Variants in FER observed in about 807,000 individuals in gnomAD.
The protein encoded by FER is FER tyrosine kinase, also known as tyrosine-protein kinase Fer.
Under a neutral mutation model 111.0 loss-of-function variants are expected in FER, and 63 were observed. The ratio of observed to expected loss-of-function variants is 0.57; its 90% CI spans 0.46 to 0.70. The LOEUF is 0.70. Among genes scored for constraint, FER ranks in the 30% least tolerant of loss-of-function variants. The probability of loss-of-function intolerance (pLI) is 0.00; values close to 1 mark genes in which losing one functional copy is unlikely to be tolerated. For missense variants in FER, 914 were observed against 954.0 expected, an observed-to-expected ratio of 0.96 and a Z score of 0.55; for synonymous variants, 327 against 313.9, an observed-to-expected ratio of 1.04 and a Z score of -0.44.
At chr5:108,947,968 C>T (rs1183311081) in intron 11 of FER, among the ~76,000 whole-genome samples, 1 of 151,832 alleles carries the variant, frequency 6.6e-6, no homozygotes, top group Non-Finnish European at 1.5e-5. Context: ...GTGATCCTCC[C>T]TCCTCGGCCC....
intron 16 of FER, among the ~76,000 whole-genome samples, chr5:109,075,941 A>G (rs1249252567): frequency 6.6e-6 from 1 of 152,192 alleles, no homozygotes; most frequent in Non-Finnish European, 1.5e-5. Context: ...AATAAAGTAT[A>G]TAAACACTAA....
intron 17 of FER, among the ~76,000 whole-genome samples, chr5:109,175,499 C>A (rs1467540815): frequency 1.3e-5 from 2 of 151,980 alleles, no homozygotes; most frequent in African/African-American, 4.8e-5. Context: ...AAAACTACTT[C>A]AGAAAACATA....
chr5:108,895,372 C>G (rs1748919879), intron 9 of FER, among the ~76,000 whole-genome samples: 1 of 152,128 alleles, frequency 6.6e-6, no homozygotes, highest in East Asian at 1.9e-4. Flanking sequence ...CAGATTTATT[C>G]TCTTATAGTT....
chr5:109,059,483 G>A (rs751271419), intron 16 of FER, among the ~76,000 whole-genome samples: 8 of 152,066 alleles, frequency 5.3e-5, no homozygotes, highest in South Asian at 4.1e-4. Flanking sequence ...AGCTGAGATC[G>A]TGCCACTGCC....
intron 17 of FER, among the ~76,000 whole-genome samples, chr5:109,114,155 C>T (rs1011538698): frequency 8.5e-5 from 13 of 152,064 alleles, no homozygotes; most frequent in Admixed American, 2.0e-4. Flanking sequence ...ATCCCTCACT[C>T]TAATGTAAAA....
chr5:108,899,334 C>T (rs762201724), intron 10 of FER, among the ~76,000 whole-genome samples: 1 of 152,072 alleles, frequency 6.6e-6, no homozygotes, highest in Non-Finnish European at 1.5e-5. Context: ...TATTAAATTC[C>T]CTTTCTTGCT....
chr5:108,910,657 C>G (rs1156907170), intron 10 of FER, among the ~76,000 whole-genome samples: 3 of 151,740 alleles, frequency 2.0e-5, no homozygotes, highest in African/African-American at 7.3e-5. Flanking sequence ...TTTAGGAGTC[C>G]CCAGTGTCTA....
chr5:109,107,093 G>C (rs1363860625), intron 17 of FER, among the ~76,000 whole-genome samples: 1 of 152,166 alleles, frequency 6.6e-6, no homozygotes, highest in Non-Finnish European at 1.5e-5. Context: ...TCATGGTTTA[G>C]TTAGGGCTAG....
intron 2 of FER, among the ~76,000 whole-genome samples, chr5:108,777,352 A>G (rs1753601919): frequency 6.6e-6 from 1 of 152,344 alleles, no homozygotes; most frequent in East Asian, 1.9e-4. Context: ...ACTTCCACCC[A>G]CTACATATCC....
At chr5:109,023,878 A>T (rs1233853860) in intron 13 of FER, among the ~76,000 whole-genome samples, 1 of 151,440 alleles carries the variant, frequency 6.6e-6, no homozygotes, top group African/African-American at 2.4e-5. Context: ...GAGATGATGG[A>T]CTCCCCTTTC....
chr5:109,087,678 T>C (rs2150035476), intron 16 of FER, among the ~76,000 whole-genome samples: 1 of 150,610 alleles, frequency 6.6e-6, no homozygotes, highest in South Asian at 2.1e-4. Context: ...CTCGGTGCAC[T>C]TTTTTTTTGG....
At chr5:108,845,181 TG>T (rs1359379307) in intron 5 of FER, among the ~76,000 whole-genome samples, 1 of 150,068 alleles carries the variant, frequency 6.7e-6, no homozygotes. Context: ...TGTTTTGTTT[TG>T]TTTTTTTTAC....
In FER at chr5:108,880,853, T is replaced by C. The variant is rs548781873; in HGVS notation, c.924-2543T>C. ...ATGCCGTCAGAGACTTACTGAAATT[T>C]ATGACGTTGTTTCACTCTAAATAAA... is the stretch of plus-strand genomic sequence containing the variant. On this transcript the variant is annotated intron_variant, in intron 8 of 19. Transcript: ENST00000281092. Among the ~76,000 whole-genome samples, 3 of 152,282 alleles carry C rather than the reference T, an allele frequency of 2.0e-5. No individual in the cohort carries two copies. In the South Asian group the frequency reaches 6.2e-4, roughly 32 times the overall value.
At chr5:108,805,418 G>C (rs1580639111) in intron 3 of FER, among the ~76,000 whole-genome samples, 1 of 152,200 alleles carries the variant, frequency 6.6e-6, no homozygotes, top group African/African-American at 2.4e-5. Flanking sequence ...GGTACCAGTA[G>C]AGTGGGGCGT....
chr5:109,114,230 G>A (rs1749969455), intron 17 of FER, among the ~76,000 whole-genome samples: 1 of 152,076 alleles, frequency 6.6e-6, no homozygotes, highest in Non-Finnish European at 1.5e-5. Context: ...AATGGTGATT[G>A]TAGCATACCC....
intron 10 of FER, among the ~76,000 whole-genome samples, chr5:108,939,401 A>G (rs1228058967): frequency 6.6e-6 from 1 of 152,096 alleles, no homozygotes; most frequent in Non-Finnish European, 1.5e-5. Flanking sequence ...GTTCTATACA[A>G]TAGTTACCCA....
chr5:108,924,575 A>G (rs937162452), intron 10 of FER: 43 of 1,227,348 alleles, frequency 3.5e-5, no homozygotes, highest in Non-Finnish European at 4.3e-5. Context: ...CCTCTCTTCT[A>G]TCTTGCTTTT....
At chr5:108,904,020 T>G (rs944537914) in intron 10 of FER, among the ~76,000 whole-genome samples, 1 of 152,190 alleles carries the variant, frequency 6.6e-6, no homozygotes, top group Non-Finnish European at 1.5e-5. Context: ...GCTTTTTTAC[T>G]TAATGCATCT....
At chr5:108,816,608 T>G (rs1348082478) in intron 3 of FER, among the ~76,000 whole-genome samples, 1 of 152,196 alleles carries the variant, frequency 6.6e-6, no homozygotes, top group Non-Finnish European at 1.5e-5. Context: ...TTAACCCCAT[T>G]TGTCCATAAG....
Sources: gnomAD v4.1 joint callset for allele counts (sites outside exome capture counted in the v4.1 genomes callset) on GRCh38, gnomAD v4.1.1 for gene constraint, MANE v1.5 for transcripts, NCBI Gene and HGNC (gene_info 2026-07-23, HGNC 2026-07-21) for gene names.